The following ZAP70 variants were observed in gnomAD, a reference collection of about 807,000 sequenced individuals.
The protein encoded by ZAP70 is zeta chain of T cell receptor associated protein kinase 70.
A neutral mutation model predicts 65.8 loss-of-function variants in ZAP70; 27 were observed. The observed-to-expected ratio is 0.41, with a 90% confidence interval of 0.30 to 0.57. The LOEUF is 0.57. Ranked by LOEUF, ZAP70 falls within the 20% of genes least tolerant of loss-of-function variation. The pLI, the probability that ZAP70 is intolerant of heterozygous loss-of-function variation, is 0.28. For missense variants in ZAP70, 696 were observed against 870.5 expected, an observed-to-expected ratio of 0.80 and a Z score of 2.52; for synonymous variants, 363 against 360.8, an observed-to-expected ratio of 1.01 and a Z score of -0.07.
chr2:97,746,164 G>A, the ZAP70 span, among the ~76,000 whole-genome samples: 1 of 152,168 alleles, frequency 6.6e-6, no homozygotes, highest in African/African-American at 2.4e-5. Context: ...CAGGAGCTGG[G>A]GGGAGTAGGC....
chr2:97,753,822 TA>T, the ZAP70 span, among the ~76,000 whole-genome samples: 3 of 151,368 alleles, frequency 2.0e-5, no homozygotes, highest in African/African-American at 7.3e-5. Context: ...AAACAAAAAA[TA>T]AAAAAATAAA....
At chr2:97,754,538 G>A in the ZAP70 span, among the ~76,000 whole-genome samples, 3 of 152,036 alleles carry the variant, frequency 2.0e-5, no homozygotes, top group African/African-American at 7.2e-5. Context: ...GAGTAGCTGG[G>A]ATTACAGATG....
chr2:97,738,242 C>A, intron 13 of ZAP70, 135 bp downstream of exon 13: 2 of 883,750 alleles, frequency 2.3e-6, no homozygotes, highest in Non-Finnish European at 3.6e-6. Flanking sequence ...GCCTTTGCAG[C>A]TGCCCCCTAC....
the ZAP70 span, among the ~76,000 whole-genome samples, chr2:97,747,100 A>G: frequency 6.6e-6 from 1 of 152,212 alleles, no homozygotes; most frequent in African/African-American, 2.4e-5. Context: ...TCACTCGTGC[A>G]TTGCTGGTGG....
chr2:97,725,253 G>A lies in ZAP70; in HGVS notation c.563+1G>A, dbSNP rs1472622004. ...GGGCGCAGACCGACGGCAAGTTCCT[G>A]TATGTGGGGCCCGGGATTTGGGTGC... On this transcript the variant is annotated splice_donor_variant, in intron 4 of 13. Transcript: ENST00000264972. LOFTEE classifies it high-confidence loss of function. 3 of 1,612,616 alleles carry A rather than the reference G, an allele frequency of 1.9e-6. No homozygotes were observed. Among genetic ancestry groups the A allele is most frequent in the South Asian group, 2.2e-5 (2 of 91,066 alleles).
intron 10 of ZAP70, 142 bp downstream of exon 10, chr2:97,735,598 C>T (rs1677841540): frequency 3.1e-6 from 3 of 956,542 alleles, no homozygotes; most frequent in Non-Finnish European, 4.6e-6. Flanking sequence ...GCCTGCACAC[C>T]CACACCCATA....
downstream of ZAP70, among the ~76,000 whole-genome samples, chr2:97,744,726 C>T (rs1179838496): frequency 6.6e-6 from 1 of 152,174 alleles, no homozygotes; most frequent in African/African-American, 2.4e-5. Flanking sequence ...GCTGCAAAGT[C>T]TGTTCATTGG....
At chr2:97,749,591 A>G in the ZAP70 span, among the ~76,000 whole-genome samples, 1 of 152,184 alleles carries the variant, frequency 6.6e-6, no homozygotes, top group Non-Finnish European at 1.5e-5. Flanking sequence ...TTACAGAAGG[A>G]TCCTGAATGC....
At chr2:97,735,784 C>T (rs1189944581) in intron 10 of ZAP70, among the ~76,000 whole-genome samples, 3 of 152,108 alleles carry the variant, frequency 2.0e-5, no homozygotes, top group Non-Finnish European at 2.9e-5. Flanking sequence ...GAGGCCAAGG[C>T]GGGTGGATCA....
rs114874665 is a variant in ZAP70, at chr2:97,728,318, G to A, written c.563+3066G>A. The stretch of plus-strand genomic sequence containing the variant: ...TAGGAAGGAGAGATGCCCAGCATCT[G>A]GGCACAGCATAGAGCGTGTGGCTGG... On this transcript the variant is annotated intron_variant, in intron 4 of 13. Transcript: ENST00000264972. 5.3e-4 allele frequency among the ~76,000 whole-genome samples: 80 copies of A among 152,362 alleles called. 1 individual carries two copies. Among genetic ancestry groups the A allele is most frequent in the African/African-American group, 1.8e-3 (75 of 41,592 alleles).
At chr2:97,747,026 G>GA in the ZAP70 span, among the ~76,000 whole-genome samples, 6 of 150,586 alleles carry the variant, frequency 4.0e-5, no homozygotes, top group East Asian at 5.8e-4. Flanking sequence ...ACTTCCAAAA[G>GA]AAAAAAAAAG....
At chr2:97,750,879 A>G in the ZAP70 span, among the ~76,000 whole-genome samples, 2 of 152,262 alleles carry the variant, frequency 1.3e-5, no homozygotes, top group Non-Finnish European at 2.9e-5. Flanking sequence ...CTTTCAGAGC[A>G]GAGTGGTCTC....
At chr2:97,716,906 C>A (rs1355284956) in intron 2 of ZAP70, among the ~76,000 whole-genome samples, 1 of 152,170 alleles carries the variant, frequency 6.6e-6, no homozygotes, top group Non-Finnish European at 1.5e-5. Flanking sequence ...ACTGGCCCTG[C>A]TTTCCGGAGG....
intron 2 of ZAP70, among the ~76,000 whole-genome samples, chr2:97,714,958 C>G (rs908465853): frequency 3.9e-5 from 6 of 152,160 alleles, no homozygotes; most frequent in Non-Finnish European, 8.8e-5. Flanking sequence ...TGTGACTGGA[C>G]CAGTCACCGC....
chr2:97,714,501 G>A (rs1676832573), intron 2 of ZAP70, among the ~76,000 whole-genome samples: 1 of 152,202 alleles, frequency 6.6e-6, no homozygotes, highest in Non-Finnish European at 1.5e-5. Flanking sequence ...ACTGCTGTGT[G>A]TTCTCGGCAA....
chr2:97,748,548 C>G, the ZAP70 span, among the ~76,000 whole-genome samples: 8 of 152,144 alleles, frequency 5.3e-5, no homozygotes, highest in Admixed American at 3.3e-4. Context: ...GCAGAAGAAC[C>G]AGGGTCTTTC....
rs766082644 is a variant in ZAP70, at chr2:97,737,582, G to A, written c.1399G>A (p.Val467Ile). ...FVHRDLAARN[V>I]LLVNRHYAKI... ...GCACCGTGACCTGGCGGCCCGCAACGTCCTGCTGGTTAACCGGCACTACGC... is the reference window on the plus strand; with the variant it reads ...GCACCGTGACCTGGCGGCCCGCAACATCCTGCTGGTTAACCGGCACTACGC... Residue 467 changes from valine to isoleucine, a missense_variant, in exon 11 of 14, where the codon GTC becomes ATC. Around this residue, in one of 3 missense-constraint regions of ZAP70, gnomAD observed 67 missense variants for 151.9 expected, o/e 0.44. Transcript: ENST00000264972. The surrounding 1 kb of genome is among the most constrained non-coding windows in gnomAD (Gnocchi z 5.0). 7.4e-6 allele frequency: 12 copies of A among 1,614,016 alleles called. No individual in the cohort carries two copies. The highest frequency in any genetic ancestry group is 1.3e-5 in the African/African-American group (1 of 74,916).
intron 4 of ZAP70, 79 bp downstream of exon 4, chr2:97,725,331 G>A (rs778252482): frequency 6.4e-7 from 1 of 1,566,862 alleles, no homozygotes. Flanking sequence ...GCAGACGTGA[G>A]TGTGCAGTTG....
intron 2 of ZAP70, among the ~76,000 whole-genome samples, chr2:97,722,078 C>T (rs938807097): frequency 2.0e-5 from 3 of 149,874 alleles, no homozygotes; most frequent in Non-Finnish European, 3.0e-5. Context: ...CCACCACGCT[C>T]GGCCTATTTT....
Sources: allele counts gnomAD v4.1 joint callset (sites outside exome capture counted in the v4.1 genomes callset), GRCh38; gene constraint gnomAD v4.1.1; regional missense constraint gnomAD v4.1.1; non-coding constraint Gnocchi (gnomAD v3.1); transcripts MANE v1.5; gene names NCBI Gene and HGNC (gene_info 2026-07-23, HGNC 2026-07-21).